ZNF44: variants seen among roughly 807,000 people sequenced by gnomAD.
The protein encoded by ZNF44 is zinc finger protein 44.
A neutral mutation model predicts 11.7 loss-of-function variants in ZNF44; 9 were observed. That is an observed-to-expected ratio of 0.77 (90% confidence interval 0.46 to 1.35). The LOEUF is 1.35. Ranked by LOEUF, ZNF44 falls within the 40% of genes most tolerant of loss-of-function variation. The pLI, the probability that ZNF44 is intolerant of heterozygous loss-of-function variation, is 0.00. For synonymous variants in ZNF44, 224 were observed against 242.7 expected (o/e 0.92, Z 0.72); for missense variants, 696 against 743.1 (o/e 0.94, Z 0.74).
In ZNF44 at chr19:12,294,745, G is replaced by C. The variant is rs572172478; in HGVS notation, c.-51C>G. ...CCTCCCAACTCCCGTAGTCAGGGTA[G>C]GTCCCAGCGCGACAAAAGCCACCAC... On this transcript the variant is annotated 5_prime_UTR_variant, in exon 1 of 4. Coordinates refer to ENST00000355684, the MANE Select transcript of ZNF44 (RefSeq NM_016264.4). 30 of 1,540,700 alleles carry C rather than the reference G, an allele frequency of 1.9e-5. No homozygotes were observed.
At chr19:12,293,295 G>T in intron 1 of ZNF44, 3 of 1,536,988 alleles carry the variant, frequency 2.0e-6, no homozygotes, top group Non-Finnish European at 2.6e-6. Context: ...TGACCCAAGG[G>T]CCGATATCCA....
chr19:12,293,255 C>G, intron 1 of ZNF44: 2 of 1,536,858 alleles, frequency 1.3e-6, no homozygotes, highest in Non-Finnish European at 1.7e-6. Flanking sequence ...AGGCCCCACT[C>G]CAACACCTCA....
At chr19:12,292,961 C>T (rs978975372) in intron 1 of ZNF44, among the ~76,000 whole-genome samples, 1 of 151,382 alleles carries the variant, frequency 6.6e-6, no homozygotes, top group Non-Finnish European at 1.5e-5. Flanking sequence ...CCTCCACCTC[C>T]CAGGTTCAAG....
In ZNF44 at chr19:12,272,621, GA is replaced by G. The variant is rs1317559735; in HGVS notation, c.1633del (p.Ser545LeufsTer4). On this transcript the variant is annotated frameshift_variant, in exon 4 of 4. Coordinates refer to ENST00000355684, the MANE Select transcript of ZNF44 (RefSeq NM_016264.4). LOFTEE classifies it low-confidence loss of function (END_TRUNC). ...KQCRKAFFWP[S>X]FLLRHERTHT... The stretch of plus-strand genomic sequence containing the variant: ...AGTCCTTTCATGTCTTAGAAGGAAA[GA>G]GGGCCAAAAGAATGCTTTCCTGCAT... 6.2e-7 allele frequency: 1 copy of G among 1,610,910 alleles called. No individual in the cohort carries two copies. Among genetic ancestry groups the G allele is most frequent in the East Asian group, 2.2e-5 (1 of 44,610 alleles).
downstream of ZNF44, chr19:12,247,393 G>T: frequency 1.5e-6 from 2 of 1,307,314 alleles, no homozygotes; most frequent in Non-Finnish European, 2.0e-6. Flanking sequence ...ATGTGCACTC[G>T]AAAGCCTGTA....
chr19:12,286,219 G>A (rs550984733), intron 1 of ZNF44, among the ~76,000 whole-genome samples: 60 of 152,178 alleles, frequency 3.9e-4, no homozygotes, highest in African/African-American at 1.4e-3. Context: ...ATTCTCTAGT[G>A]TTCCAATTTA....
At chr19:12,260,579 C>A (rs1192629981) in intron 5 of ZNF44, 6 of 680,282 alleles carry the variant, frequency 8.8e-6, no homozygotes, top group South Asian at 7.1e-5. Context: ...CTGGCTTTCT[C>A]ACCACCAGCC....
intron 5 of ZNF44, chr19:12,260,127 T>C: frequency 1.4e-6 from 1 of 715,816 alleles, no homozygotes; most frequent in Non-Finnish European, 2.6e-6. Context: ...GCCGCCACCA[T>C]GTCCGCGCAT....
At chr19:12,294,554 G>T in intron 1 of ZNF44, 138 bp downstream of exon 1, 1 of 1,235,174 alleles carries the variant, frequency 8.1e-7, no homozygotes. Context: ...ACGGACCGAG[G>T]ACCGAGGTGC....
downstream of ZNF44, chr19:12,226,052 A>G (rs1357006730): frequency 3.3e-5 from 5 of 152,268 alleles, no homozygotes; most frequent in African/African-American, 1.2e-4. Context: ...ATCGTTTTTG[A>G]AACATAATTT....
In ZNF44 at chr19:12,233,618, G is replaced by GA. The variant is rs556057225; in HGVS notation, n.380+1048dup. On this transcript the variant is annotated intron_variant and non_coding_transcript_variant, in intron 2 of 3. Coordinates refer to the ZNF44 transcript ENST00000597563. The stretch of plus-strand genomic sequence containing the variant: ...GTGAGAACAGATAGCAAATTTAATC[G>GA]AAAAATACTTCAAAGTGTACATTAT... Among the ~76,000 whole-genome samples the GA allele has an allele frequency of 1.6e-3, 232 of 144,258 alleles. 1 individual carries two copies. The highest frequency in any genetic ancestry group is 5.7e-3 in the African/African-American group (224 of 38,978). 94.6% of individuals were successfully genotyped at this position (144,258 alleles called of 152,430 possible).
Position 12,247,863 on chromosome 19 carries a change from T to TG in ZNF44, c.*1001dup, listed in dbSNP as rs1434596959. On this transcript the variant is annotated 3_prime_UTR_variant and NMD_transcript_variant, in exon 8 of 8. Coordinates refer to the ZNF44 transcript ENST00000393337. ...TTTCCCACACAGTTTACATTCATAG[T>TG]GTTTCTGTGCAGTGTGATTCCTCTC... 3.1e-6 allele frequency: 4 copies of TG among 1,309,410 alleles called. No homozygotes were observed. The African/African-American group carries it at 6.1e-5, about 20-fold the overall frequency. 81.1% of individuals were successfully genotyped at this position (1,309,410 alleles called of 1,614,324 possible).
chr19:12,272,486 C>T lies in ZNF44; in HGVS notation c.1769G>A (p.Cys590Tyr). ...ACTGAAGGCTTTCCCACATTCCTTA[C>T]ATTCATAGGGCTTCTCTCCAGTGTG... ...RTHTGEKPYE[C>Y]KECGKAFSSL... Residue 590 changes from cysteine to tyrosine, a missense_variant, in exon 4 of 4, where the codon TGT (cysteine) becomes TAT (tyrosine). Transcript: ENST00000355684. 1 of 1,608,090 alleles carries T rather than the reference C, an allele frequency of 6.2e-7. No homozygotes were observed. Among genetic ancestry groups the T allele is most frequent in the South Asian group, 1.1e-5 (1 of 89,986 alleles).
chr19:12,259,065 G>A (rs1917387785), intron 5 of ZNF44, among the ~76,000 whole-genome samples: 1 of 151,310 alleles, frequency 6.6e-6, no homozygotes, highest in African/African-American at 2.4e-5. Flanking sequence ...TGTAGACACA[G>A]GGTCCCACCA....
chr19:12,232,344 T>C (rs1475315620), intron 2 of ZNF44, among the ~76,000 whole-genome samples: 3 of 152,294 alleles, frequency 2.0e-5, no homozygotes, highest in Non-Finnish European at 2.9e-5. Flanking sequence ...CTTCCTCTTT[T>C]ACTAATCCTC....
At chr19:12,277,676 G>C (rs903353486) in intron 1 of ZNF44, among the ~76,000 whole-genome samples, 1 of 152,172 alleles carries the variant, frequency 6.6e-6, no homozygotes, top group African/African-American at 2.4e-5. Context: ...TTTTTTCTTT[G>C]GCCCCATCTC....
At position 12,272,495 on chromosome 19, in the gene ZNF44, G is replaced by T; in HGVS notation, c.1760C>A (p.Pro587His). 1 of 1,611,440 alleles carries T rather than the reference G, an allele frequency of 6.2e-7. No homozygotes were observed. Among genetic ancestry groups the T allele is most frequent in the Non-Finnish European group, 8.5e-7 (1 of 1,179,258 alleles). The change falls in exon 4 of 4, where the codon CCC becomes CAC. Residue 587 changes from proline to histidine, a missense_variant. Coordinates refer to ENST00000355684, the MANE Select transcript of ZNF44 (RefSeq NM_016264.4). The part of the protein sequence containing the change: ...EHERTHTGEK[P>H]YECKECGKAF... ...TTTCCCACATTCCTTACATTCATAG[G>T]GCTTCTCTCCAGTGTGAGTTCTTTC...
downstream of ZNF44, chr19:12,247,503 T>G (rs776576471): frequency 7.4e-6 from 10 of 1,347,274 alleles, no homozygotes; most frequent in East Asian, 4.8e-4. Context: ...ACTGAAGGCT[T>G]TACCACACTG....
intron 5 of ZNF44, among the ~76,000 whole-genome samples, chr19:12,258,477 G>A (rs1267435212): frequency 1.3e-5 from 2 of 152,012 alleles, no homozygotes; most frequent in African/African-American, 4.8e-5. Context: ...AATTTAATTG[G>A]GGAGTAAGTT....
Sources: gnomAD v4.1 joint callset for allele counts (sites outside exome capture counted in the v4.1 genomes callset) on GRCh38, gnomAD v4.1.1 for gene constraint, MANE v1.5 for transcripts, NCBI Gene and HGNC (gene_info 2026-07-23, HGNC 2026-07-21) for gene names.